The following ZNF41 variants were observed in gnomAD, a reference collection of about 807,000 sequenced individuals.
The protein encoded by ZNF41 is zinc finger protein 41.
A neutral mutation model predicts 9.3 loss-of-function variants in ZNF41; 6 were observed. That is an observed-to-expected ratio of 0.65 (90% CI 0.35 to 1.28). ZNF41 has a LOEUF of 1.28. ZNF41 is among the 50% of genes most tolerant of loss of function. The pLI is 0.03. For missense variants in ZNF41, 523 were observed against 585.8 expected, an observed-to-expected ratio of 0.89 and a Z score of 1.11; for synonymous variants, 192 against 207.1, an observed-to-expected ratio of 0.93 and a Z score of 0.63.
At chrX:47,457,912 A>AAAAG (rs201352688) in intron 2 of ZNF41, among the ~76,000 whole-genome samples, 33,241 of 110,932 alleles carry the variant, frequency 0.3, 3,711 homozygotes, top group South Asian at 0.43. Flanking sequence ...GGGAGTGAGA[A>AAAAG]AAAGAATTCT....
intron 4 of ZNF41, among the ~76,000 whole-genome samples, chrX:47,451,557 A>G (rs186984407): frequency 2.3e-4 from 26 of 112,115 alleles, no homozygotes; most frequent in African/African-American, 8.1e-4. Flanking sequence ...AGTTTGAGAC[A>G]TGGCAAAATC....
In ZNF41 at chrX:47,449,220, G is replaced by A; in HGVS notation, c.550C>T (p.Pro184Ser). The A allele has an allele frequency of 8.3e-7, 1 of 1,211,072 alleles. No homozygotes were observed. The highest frequency in any genetic ancestry group is 1.1e-6 in the Non-Finnish European group (1 of 895,257). Residue 184 changes from proline (P) to serine (S), a missense_variant, in exon 5 of 5, where the codon CCT becomes TCT. By Grantham distance (74) the Pro-to-Ser change is moderately conservative. Coordinates refer to ENST00000684689, the MANE Select transcript of ZNF41 (RefSeq NM_001324144.2). ...CAGTTATGGAGTCTTTTAATTGAAG[G>A]AACAAGCTTGGTAGTCACATGAATT... ...KIIHVTTKLVPSIKRLHNCDT... is the reference protein window; with the variant it reads ...KIIHVTTKLVSSIKRLHNCDT...
In ZNF41 at chrX:47,448,248, T is replaced by C; in HGVS notation, c.1522A>G (p.Thr508Ala). 1 of 1,211,613 alleles carries C rather than the reference T, an allele frequency of 8.3e-7. No homozygotes were observed. Among genetic ancestry groups the C allele is most frequent in the South Asian group, 1.8e-5 (1 of 56,983 alleles). The change falls in exon 5 of 5, where the codon ACA (threonine) becomes GCA (alanine). Residue 508 changes from threonine (T) to alanine (A), a missense_variant. Physicochemically the swap from Thr to Ala is moderately conservative, Grantham distance 58. Transcript: ENST00000684689. Reference sequence around the variant, plus strand: ...GTTTTCTGATGTGTGGTGAGGTTTGTCCTGTGAGTGAAGACCTTTCCACAT... The same window carrying C: ...GTTTTCTGATGTGTGGTGAGGTTTGCCCTGTGAGTGAAGACCTTTCCACAT... ...TECGKVFTHR[T>A]NLTTHQKTHT...
intron 2 of ZNF41, among the ~76,000 whole-genome samples, chrX:47,456,681 C>CT (rs1437125872): frequency 8.9e-6 from 1 of 112,028 alleles, no homozygotes. Flanking sequence ...AAACAAGATA[C>CT]TGGCCGATTA....
At chrX:47,467,920 T>C (rs2057045125) in intron 1 of ZNF41, among the ~76,000 whole-genome samples, 160 bp from the exon 2 acceptor site, 1 of 112,311 alleles carries the variant, frequency 8.9e-6, no homozygotes, top group South Asian at 3.7e-4. Flanking sequence ...AGTTTCTTCA[T>C]CTTTAACAGG....
intron 2 of ZNF41, among the ~76,000 whole-genome samples, chrX:47,465,774 T>C (rs1474684511): frequency 2.7e-5 from 3 of 110,649 alleles, no homozygotes; most frequent in African/African-American, 9.9e-5. Context: ...ACCACTGCAC[T>C]CTAGCCTGGG....
At position 47,476,107 on chromosome X, in the gene ZNF41, C is replaced by T. The variant is rs190165308; in HGVS notation, c.-280+6988G>A. On this transcript the variant is annotated intron_variant, in intron 1 of 4. Transcript: ENST00000684689. ...GTGGCTCACATCTGTAATCCCAGTA[C>T]TTTGGGAGGTCGAGGCAGGCGGATC... 3.3e-3 allele frequency among the ~76,000 whole-genome samples: 372 copies of T among 111,506 alleles called. 1 individual carries two copies. The highest frequency in any genetic ancestry group is 0.012 in the African/African-American group (355 of 30,788).
intron 1 of ZNF41, among the ~76,000 whole-genome samples, chrX:47,471,040 C>CTTTCACA (rs1351248573): frequency 3.6e-5 from 4 of 111,419 alleles, no homozygotes; most frequent in African/African-American, 1.3e-4. Flanking sequence ...ATCATTTTAG[C>CTTTCACA]TTTCACATTT....
intron 2 of ZNF41, among the ~76,000 whole-genome samples, chrX:47,456,902 T>C (rs1041689227): frequency 9.0e-6 from 1 of 110,773 alleles, no homozygotes; most frequent in Admixed American, 9.7e-5. Context: ...GAAAGGAAAA[T>C]AGAAAAATAC....
intron 4 of ZNF41, among the ~76,000 whole-genome samples, chrX:47,449,992 C>G (rs1432381069): frequency 1.8e-5 from 2 of 111,455 alleles, no homozygotes; most frequent in African/African-American, 3.3e-5. Context: ...AGCTCCACCA[C>G]TTTACTAAGC....
Position 47,448,391 on chromosome X carries a change from A to T in ZNF41, c.1379T>A (p.Ile460Asn), listed in dbSNP as rs2056212495. 6 of 1,209,406 alleles carry T rather than the reference A, an allele frequency of 5.0e-6. No individual in the cohort carries two copies. Among genetic ancestry groups the T allele is most frequent in the Non-Finnish European group, 6.7e-6 (6 of 895,195 alleles). Reference sequence around the variant, plus strand: ...TTCATACGGCTTTTCTCCAGTATGAATTCTCTGATGTGTGTTGAAATGTGA... The same window carrying T: ...TTCATACGGCTTTTCTCCAGTATGATTTCTCTGATGTGTGTTGAAATGTGA... ...QKSHFNTHQR[I>N]HTGEKPYECS... is the part of the protein sequence containing the mutation. Residue 460 changes from isoleucine (I) to asparagine (N), a missense_variant, in exon 5 of 5, where the codon ATT (isoleucine) becomes AAT (asparagine). By Grantham distance (149) the Ile-to-Asn change is moderately radical (BLOSUM62 -3). Coordinates refer to ENST00000684689, the MANE Select transcript of ZNF41 (RefSeq NM_001324144.2).
At position 47,479,869 on chromosome X, in the gene ZNF41, C is replaced by T. The variant is rs1399684424; in HGVS notation, c.-280+3226G>A. 3.6e-5 allele frequency among the ~76,000 whole-genome samples: 4 copies of T among 111,350 alleles called. No homozygotes were observed. The East Asian group carries it at 1.1e-3, about 31-fold the overall frequency. On this transcript the variant is annotated intron_variant, in intron 1 of 4. Coordinates refer to ENST00000684689, the MANE Select transcript of ZNF41 (RefSeq NM_001324144.2). ...CCCAGCACTTTGGGAGGCCGAGGCA[C>T]GCAGATCACGAGGTCAGGAGTTTGA...
chrX:47,460,006 TGGGAG>T (rs2056729063), intron 2 of ZNF41, among the ~76,000 whole-genome samples: 1 of 110,190 alleles, frequency 9.1e-6, no homozygotes, highest in Non-Finnish European at 1.9e-5. Flanking sequence ...CCCAGCACTT[TGGGAG>T]GCCAAGGCAG....
At chrX:47,476,938 C>T (rs1391180686) in intron 1 of ZNF41, 1 of 104,387 alleles carries the variant, frequency 9.6e-6, no homozygotes, top group African/African-American at 3.5e-5. Context: ...TGCCTGTAAT[C>T]CTAGCTACTT....
rs200971392 is a variant in ZNF41, at chrX:47,448,947, C to T, written c.823G>A (p.Glu275Lys). Residue 275 changes from glutamate to lysine, a missense_variant, in exon 5 of 5, where the codon GAA becomes AAA. By Grantham distance (56) the Glu-to-Lys change is moderately conservative. Transcript: ENST00000684689. ...HPEEKLYVCT[E>K]CVMGFTQKSH... The stretch of plus-strand genomic sequence containing the variant: ...TTCTGAGTGAAGCCCATTACACATT[C>T]AGTACACACATAAAGCTTCTCCTCA... 57 of 1,209,625 alleles carry T rather than the reference C, an allele frequency of 4.7e-5. No individual in the cohort carries two copies. Among genetic ancestry groups the T allele is most frequent in the Non-Finnish European group, 5.9e-5 (53 of 895,115 alleles).
At chrX:47,470,622 G>A (rs2057161455) in intron 1 of ZNF41, among the ~76,000 whole-genome samples, 1 of 106,460 alleles carries the variant, frequency 9.4e-6, no homozygotes, top group Non-Finnish European at 1.9e-5. Context: ...AGCTACTCGG[G>A]AGGCTAAGGC....
chrX:47,477,898 A>T (rs2057377363), intron 1 of ZNF41, among the ~76,000 whole-genome samples: 3 of 112,825 alleles, frequency 2.7e-5, no homozygotes, highest in Admixed American at 1.9e-4. Context: ...TTGTACGCAA[A>T]TGCTCATAGC....
At position 47,462,113 on chromosome X, in the gene ZNF41, G is replaced by A. The variant is rs146126019; in HGVS notation, c.72+5297C>T. Among the ~76,000 whole-genome samples, 256 of 98,646 alleles carry A rather than the reference G, an allele frequency of 2.6e-3. 1 individual carries two copies. Among genetic ancestry groups the A allele is most frequent in the Non-Finnish European group, 3.8e-3 (183 of 48,430 alleles). 85.7% of individuals were successfully genotyped at this position (98,646 alleles called of 115,157 possible). ...ACTCCCGGGCTCAAGGGATCCTTCC[G>A]GCCTCAGCCTCCTGAATAGCTGAGA... On this transcript the variant is annotated intron_variant, in intron 2 of 4. Transcript: ENST00000684689.
chrX:47,460,270 T>C (rs2147642192), intron 2 of ZNF41, among the ~76,000 whole-genome samples: 1 of 111,460 alleles, frequency 9.0e-6, no homozygotes, highest in East Asian at 2.8e-4. Flanking sequence ...ATTTCAAAAG[T>C]ATATATAAAT....
Sources: gnomAD v4.1 joint callset for allele counts (sites outside exome capture counted in the v4.1 genomes callset) on GRCh38, gnomAD v4.1.1 for gene constraint, MANE v1.5 for transcripts, NCBI Gene and HGNC (gene_info 2026-07-23, HGNC 2026-07-21) for gene names.